RELN: variants seen among roughly 807,000 people sequenced by gnomAD.
The protein encoded by RELN is reelin.
RELN carries 108 observed loss-of-function variants against 427.6 expected under a neutral mutation model. The observed-to-expected ratio is 0.25, with a 90% CI of 0.22 to 0.30. RELN has a LOEUF of 0.30. RELN is among the 10% of genes least tolerant of loss of function. The probability of loss-of-function intolerance (pLI) is 1.00; values close to 1 mark genes in which losing one functional copy is unlikely to be tolerated. For missense variants in RELN, 3,715 were observed against 4,302.8 expected, an observed-to-expected ratio of 0.86 and a Z score of 3.82; for synonymous variants, 1,524 against 1,513.4, an observed-to-expected ratio of 1.01 and a Z score of -0.16.
intron 1 of RELN, among the ~76,000 whole-genome samples, chr7:103,973,767 T>C (rs901658939): frequency 2.6e-5 from 4 of 152,216 alleles, no homozygotes; most frequent in African/African-American, 9.6e-5. Flanking sequence ...AAAAAGATCA[T>C]AATTCCTAAG....
chr7:103,495,664 C>A, intron 57 of RELN, 59 bp downstream of exon 57: 1 of 1,493,156 alleles, frequency 6.7e-7, no homozygotes, highest in Non-Finnish European at 9.3e-7. Context: ...ACTAACCATT[C>A]TCCCTCGAGG....
Position 103,989,170 on chromosome 7 carries a change from C to T in RELN, c.187G>A (p.Gly63Ser), listed in dbSNP as rs752841369. Residue 63 changes from glycine (G) to serine (S), a missense_variant, in exon 1 of 65, where the codon GGC becomes AGC. Around this residue, in one of 4 missense-constraint regions of RELN, gnomAD observed 2,208 missense variants for 2,361.7 expected, o/e 0.93. Coordinates refer to ENST00000428762, the MANE Select transcript of RELN (RefSeq NM_005045.4). This position sits in a 1 kb window ranked among gnomAD's most constrained non-coding sequence, Gnocchi z 4.9. ...GEVLISLHIA[G>S]NPTYYVPGQE... Reference sequence around the variant, plus strand: ...CCCGGAACGTAGTAGGTGGGGTTGCCCGCAATATGCAGGGAAATGAGCACC... The same window carrying T: ...CCCGGAACGTAGTAGGTGGGGTTGCTCGCAATATGCAGGGAAATGAGCACC... 6.2e-7 allele frequency: 1 copy of T among 1,613,940 alleles called. No homozygotes were observed. Among genetic ancestry groups the T allele is most frequent in the Non-Finnish European group, 8.5e-7 (1 of 1,180,002 alleles).
intron 45 of RELN, 29 bp downstream of exon 45, chr7:103,539,049 G>A (rs748364476): frequency 9.9e-6 from 16 of 1,612,844 alleles, no homozygotes; most frequent in African/African-American, 1.3e-5. Context: ...CCACATGCCT[G>A]TCCCTCTATC....
At chr7:103,740,470 T>C (rs185997119) in intron 6 of RELN, among the ~76,000 whole-genome samples, 13 of 152,330 alleles carry the variant, frequency 8.5e-5, no homozygotes, top group Admixed American at 5.9e-4. Context: ...TTTAAATAAT[T>C]TGAAATATTC....
intron 38 of RELN, among the ~76,000 whole-genome samples, 155 bp from the exon 39 acceptor site, chr7:103,553,986 G>C (rs1206891078): frequency 6.6e-6 from 1 of 152,066 alleles, no homozygotes; most frequent in Non-Finnish European, 1.5e-5. Context: ...AGGAGTTCAA[G>C]ACCAGCCTGA....
intron 8 of RELN, among the ~76,000 whole-genome samples, chr7:103,716,658 T>G (rs1789945689): frequency 6.6e-6 from 1 of 152,174 alleles, no homozygotes; most frequent in Non-Finnish European, 1.5e-5. Context: ...TTTAGTTACA[T>G]TGTTTTTAGT....
chr7:103,934,037 G>A (rs915052959), intron 1 of RELN, among the ~76,000 whole-genome samples: 2 of 152,128 alleles, frequency 1.3e-5, no homozygotes, highest in African/African-American at 2.4e-5. Flanking sequence ...TTCTTTAAGT[G>A]TTCTCAATAG....
chr7:103,781,263 G>C (rs144681364), intron 3 of RELN, among the ~76,000 whole-genome samples: 1 of 152,010 alleles, frequency 6.6e-6, no homozygotes, highest in Non-Finnish European at 1.5e-5. Flanking sequence ...AATGTATTTA[G>C]AGCTGTCAAA....
At chr7:103,786,781 T>G (rs36078773) in intron 3 of RELN, among the ~76,000 whole-genome samples, 62,157 of 151,794 alleles carry the variant, frequency 0.41, 12,895 homozygotes, top group Middle Eastern at 0.51. Context: ...CTGTCGATAT[T>G]AGACAGATCA....
intron 2 of RELN, among the ~76,000 whole-genome samples, chr7:103,903,884 T>C (rs879610968): frequency 6.6e-6 from 1 of 151,970 alleles, no homozygotes; most frequent in Non-Finnish European, 1.5e-5. Flanking sequence ...ATGTGCAGAA[T>C]GTGCAGGTTT....
At chr7:103,656,857 C>G (rs1221375012) in intron 12 of RELN, among the ~76,000 whole-genome samples, 1 of 152,012 alleles carries the variant, frequency 6.6e-6, no homozygotes, top group Non-Finnish European at 1.5e-5. Context: ...AGGATTATCT[C>G]TTTTCGTCCC....
chr7:103,649,303 G>A lies in RELN; in HGVS notation c.2002+971C>T, dbSNP rs1832863033. ...TTTTGCTACAACATAGCTGGAACTGGAGGCCATTATCCTAAGTGATATTAC... is the reference window on the plus strand; with the variant it reads ...TTTTGCTACAACATAGCTGGAACTGAAGGCCATTATCCTAAGTGATATTAC... On this transcript the variant is annotated intron_variant, in intron 16 of 64. Transcript: ENST00000428762. Among the ~76,000 whole-genome samples, 3 of 152,096 alleles carry A rather than the reference G, an allele frequency of 2.0e-5. 1 individual carries two copies. Among genetic ancestry groups the A allele is most frequent in the South Asian group, 4.1e-4 (2 of 4,826 alleles).
In RELN at chr7:103,989,467, C is replaced by T; in HGVS notation, c.-111G>A. 1.0e-6 allele frequency: 1 copy of T among 976,864 alleles called. No homozygotes were observed. The highest frequency in any genetic ancestry group is 1.4e-6 in the Non-Finnish European group (1 of 726,462). The allele number at this position is 976,864 out of a possible 1,614,324, so 60.5% of individuals were successfully genotyped here. ...GGAGAGAAGGCGAGAAGAAGGCGGA[C>T]GGGAGCGGAACGGGCTCGGGAGCGG... On this transcript the variant is annotated 5_prime_UTR_variant, in exon 1 of 65. Transcript: ENST00000428762. The surrounding 1 kb of genome is among the most constrained non-coding windows in gnomAD (Gnocchi z 4.9).
intron 2 of RELN, among the ~76,000 whole-genome samples, chr7:103,891,451 T>C (rs1463495236): frequency 2.0e-5 from 3 of 152,100 alleles, no homozygotes; most frequent in African/African-American, 7.2e-5. Flanking sequence ...TACATCAGGC[T>C]CAGTATTCTC....
chr7:103,969,690 A>G (rs1383649463), intron 1 of RELN, among the ~76,000 whole-genome samples: 2 of 152,236 alleles, frequency 1.3e-5, no homozygotes, highest in Non-Finnish European at 2.9e-5. Context: ...GATTATGAAA[A>G]TGTTTTTGTA....
Position 103,563,179 on chromosome 7 carries a change from TA to T in RELN, c.5211-1227del, listed in dbSNP as rs1050792972. On this transcript the variant is annotated intron_variant, in intron 34 of 64. Coordinates refer to ENST00000428762, the MANE Select transcript of RELN (RefSeq NM_005045.4). This position sits in a 1 kb window ranked among gnomAD's most constrained non-coding sequence, Gnocchi z 4.1. ...CTTCCTCTGGTATCATCTTATAGCATAAACAGCTGCTTAGAGGTTTGTTATC... is the reference window on the plus strand; with the variant it reads ...CTTCCTCTGGTATCATCTTATAGCATAACAGCTGCTTAGAGGTTTGTTATC... Among the ~76,000 whole-genome samples, 1 of 152,192 alleles carries T rather than the reference TA, an allele frequency of 6.6e-6. No homozygotes were observed. Among genetic ancestry groups the T allele is most frequent in the Non-Finnish European group, 1.5e-5 (1 of 68,030 alleles).
At chr7:103,893,348 T>C (rs1327163837) in intron 2 of RELN, among the ~76,000 whole-genome samples, 1 of 152,146 alleles carries the variant, frequency 6.6e-6, no homozygotes, top group Non-Finnish European at 1.5e-5. Flanking sequence ...ATAGGGTAAT[T>C]TTCACAGGGA....
At chr7:103,667,325 C>G (rs556617181) in intron 11 of RELN, among the ~76,000 whole-genome samples, 1 of 152,316 alleles carries the variant, frequency 6.6e-6, no homozygotes, top group South Asian at 2.1e-4. Context: ...TCTTTCAAAT[C>G]AGCAAGCTTC....
chr7:103,585,431 G>A (rs897867343), intron 28 of RELN, among the ~76,000 whole-genome samples: 3 of 152,122 alleles, frequency 2.0e-5, no homozygotes, highest in Non-Finnish European at 2.9e-5. Flanking sequence ...ACATCTCTAT[G>A]TATACAAACT....
Sources: allele counts gnomAD v4.1 joint callset (sites outside exome capture counted in the v4.1 genomes callset), GRCh38; gene constraint gnomAD v4.1.1; regional missense constraint gnomAD v4.1.1; non-coding constraint Gnocchi (gnomAD v3.1); transcripts MANE v1.5; gene names NCBI Gene and HGNC (gene_info 2026-07-23, HGNC 2026-07-21).